The following ASH1L variants were observed in gnomAD, a reference collection of about 807,000 sequenced individuals.
ASH1L encodes histone-lysine N-methyltransferase ASH1L.
A neutral mutation model predicts 269.0 loss-of-function variants in ASH1L; 23 were observed. That is an observed-to-expected ratio of 0.09 (90% CI 0.06 to 0.12). The LOEUF is 0.12. Ranked by LOEUF, ASH1L falls within the 10% of genes least tolerant of loss-of-function variation. The pLI, the probability that ASH1L is intolerant of heterozygous loss-of-function variation, is 1.00. For missense variants in ASH1L, 2,912 were observed against 3,567.8 expected, an observed-to-expected ratio of 0.82 and a Z score of 4.68; for synonymous variants, 1,187 against 1,253.5, an observed-to-expected ratio of 0.95 and a Z score of 1.12.
intron 5 of ASH1L, among the ~76,000 whole-genome samples, chr1:155,435,060 A>G (rs192617927): frequency 0.011 from 1,666 of 151,760 alleles, 11 homozygotes; most frequent in Middle Eastern, 0.027. Context: ...TGGGTGGCTG[A>G]GGCATGAGAA....
rs147998392 is a variant in ASH1L, at chr1:155,456,136, G to A, written c.5086+3661C>T. Among the ~76,000 whole-genome samples, 521 of 152,270 alleles carry A rather than the reference G, an allele frequency of 3.4e-3. 1 individual carries two copies. The highest frequency in any genetic ancestry group is 4.2e-3 in the Non-Finnish European group (284 of 68,018). The stretch of plus-strand genomic sequence containing the variant: ...TTATCTCTGTTGAATTGAACTTTCT[G>A]AAGTTTCTGGTTTCCTATTTAGTTA... On this transcript the variant is annotated intron_variant, in intron 4 of 27. Coordinates refer to ENST00000392403, the MANE Select transcript of ASH1L (RefSeq NM_018489.3).
At chr1:155,392,729 T>C (rs1269777314) in intron 7 of ASH1L, among the ~76,000 whole-genome samples, 2 of 152,134 alleles carry the variant, frequency 1.3e-5, no homozygotes, top group South Asian at 2.1e-4. Flanking sequence ...CCTCAGGTGA[T>C]CCACCTGCCT....
chr1:155,481,365 T>C lies in ASH1L; in HGVS notation c.1505A>G (p.Gln502Arg). The change falls in exon 3 of 28, where the codon CAG (glutamine) becomes CGG (arginine). Residue 502 changes from glutamine to arginine, a missense_variant. Coordinates refer to ENST00000392403, the MANE Select transcript of ASH1L (RefSeq NM_018489.3). ...KEMFNEGTCI[Q>R]QDSFSSSEKG... Reference sequence around the variant, plus strand: ...TTCACTGGATGAGAAACTGTCTTGCTGAATGCATGTTCCTTCATTAAACAT... The same window carrying C: ...TTCACTGGATGAGAAACTGTCTTGCCGAATGCATGTTCCTTCATTAAACAT... 6.2e-7 allele frequency: 1 copy of C among 1,614,194 alleles called. No homozygotes were observed. Among genetic ancestry groups the C allele is most frequent in the Non-Finnish European group, 8.5e-7 (1 of 1,180,014 alleles).
chr1:155,562,850 C>T (rs1672137078), upstream of ASH1L: 2 of 482,576 alleles, frequency 4.1e-6, no homozygotes, highest in Non-Finnish European at 4.0e-6. Context: ...CCCCCTTCCC[C>T]GCCCCCACGG....
At chr1:155,366,989 GTTTT>G (rs896488958) in intron 12 of ASH1L, among the ~76,000 whole-genome samples, 5 of 124,192 alleles carry the variant, frequency 4.0e-5, no homozygotes, top group Non-Finnish European at 6.8e-5. Flanking sequence ...AATGGGTTTG[GTTTT>G]TTTTTTTTTT....
chr1:155,543,663 G>A (rs926043410), intron 1 of ASH1L, among the ~76,000 whole-genome samples: 1 of 151,998 alleles, frequency 6.6e-6, no homozygotes, highest in African/African-American at 2.4e-5. Context: ...CTGGCATGGT[G>A]GCTCACATCT....
chr1:155,416,680 C>T (rs1472189407), intron 5 of ASH1L, among the ~76,000 whole-genome samples: 1 of 151,818 alleles, frequency 6.6e-6, no homozygotes. Context: ...GGATTACAGG[C>T]GCCTGTAACC....
Position 155,338,102 on chromosome 1 carries a change from G to A in ASH1L, c.8790C>T (p.Ile2930=). 1 of 1,610,700 alleles carries A rather than the reference G, an allele frequency of 6.2e-7. No individual in the cohort carries two copies. Among genetic ancestry groups the A allele is most frequent in the African/African-American group, 1.3e-5 (1 of 74,692 alleles). Residue 2930 remains isoleucine (I), a synonymous_variant, in exon 27 of 28, where the codon ATC becomes ATT. Transcript: ENST00000392403. ...GATTCTTCTTACCATTTTTTCCAGG[G>A]ATTTTTTCAAGGAGATTGAGCAAGA... ...NQILLNLLEK[I]PGKNAIDVTY... is the part of the protein sequence containing the mutation.
In ASH1L at chr1:155,528,376, T is replaced by C. The variant is rs535233311; in HGVS notation, c.-99-6758A>G. 2.0e-5 allele frequency among the ~76,000 whole-genome samples: 3 copies of C among 152,292 alleles called. No individual in the cohort carries two copies. In the East Asian group the frequency reaches 5.8e-4, roughly 29 times the overall value. ...TATGCAGAATCTAACCAGTTGTCAT[T>C]ACTCTGACAGCTATTAGATCCAAGT... is the stretch of plus-strand genomic sequence containing the variant. On this transcript the variant is annotated intron_variant, in intron 1 of 27. Coordinates refer to ENST00000392403, the MANE Select transcript of ASH1L (RefSeq NM_018489.3).
At chr1:155,345,190 T>TC (rs1653159582) in intron 21 of ASH1L, among the ~76,000 whole-genome samples, 1 of 140,830 alleles carries the variant, frequency 7.1e-6, no homozygotes, top group Non-Finnish European at 1.5e-5. Flanking sequence ...TTTTTTTTTT[T>TC]TTTTTTTGGA....
At chr1:155,468,484 G>C (rs1271718453) in intron 3 of ASH1L, among the ~76,000 whole-genome samples, 1 of 152,004 alleles carries the variant, frequency 6.6e-6, no homozygotes, top group Non-Finnish European at 1.5e-5. Flanking sequence ...GAATTTTTCT[G>C]TAAGGAAGAT....
At chr1:155,356,898 G>A (rs1236979455) in intron 15 of ASH1L, among the ~76,000 whole-genome samples, 7 of 149,956 alleles carry the variant, frequency 4.7e-5, no homozygotes, top group Middle Eastern at 3.4e-3. Flanking sequence ...GGACCAACCT[G>A]GGCAACATAG....
At chr1:155,356,191 C>G (rs964271078) in intron 15 of ASH1L, among the ~76,000 whole-genome samples, 3 of 152,026 alleles carry the variant, frequency 2.0e-5, no homozygotes, top group Non-Finnish European at 4.4e-5. Context: ...CCTGCCTTGG[C>G]CTCCCAAAGT....
intron 2 of ASH1L, among the ~76,000 whole-genome samples, chr1:155,517,271 G>C (rs1230267306): frequency 6.6e-6 from 1 of 152,134 alleles, no homozygotes; most frequent in Non-Finnish European, 1.5e-5. Flanking sequence ...GATCACTTGA[G>C]CCCAGGAGTT....
At chr1:155,471,935 A>G (rs915444071) in intron 3 of ASH1L, among the ~76,000 whole-genome samples, 5 of 152,192 alleles carry the variant, frequency 3.3e-5, no homozygotes, top group Admixed American at 1.3e-4. Context: ...TTGGTGATAG[A>G]GAACTAGTGT....
At chr1:155,411,586 A>ATATATATATATATATATATATATATATAT (rs1558075618) in intron 6 of ASH1L, among the ~76,000 whole-genome samples, 16 of 55,160 alleles carry the variant, frequency 2.9e-4, no homozygotes, top group East Asian at 1.4e-3. Context: ...TAAATAAATA[A>ATATATATATATATATATATATATATATAT]ATATATATAT....
chr1:155,346,599 A>T, intron 20 of ASH1L, 130 bp from the exon 21 acceptor site: 1 of 712,096 alleles, frequency 1.4e-6, no homozygotes, highest in East Asian at 2.6e-5. Flanking sequence ...AACTGGGTGA[A>T]TGATAAATTA....
intron 6 of ASH1L, among the ~76,000 whole-genome samples, chr1:155,403,583 A>G (rs1659031376): frequency 6.6e-6 from 1 of 152,144 alleles, no homozygotes; most frequent in South Asian, 2.1e-4. Flanking sequence ...ACTCATTAGC[A>G]CAGTAACTGG....
intron 2 of ASH1L, among the ~76,000 whole-genome samples, chr1:155,500,711 G>A (rs1667445676): frequency 6.6e-6 from 1 of 152,166 alleles, no homozygotes; most frequent in Non-Finnish European, 1.5e-5. Flanking sequence ...TCTCACACCT[G>A]TAATCCCAGA....
Sources: gnomAD v4.1 joint callset for allele counts (sites outside exome capture counted in the v4.1 genomes callset) on GRCh38, gnomAD v4.1.1 for gene constraint, MANE v1.5 for transcripts, NCBI Gene and HGNC (gene_info 2026-07-23, HGNC 2026-07-21) for gene names.